The following NUP210 variants were observed in gnomAD, a reference collection of about 807,000 sequenced individuals.
NUP210 encodes nucleoporin 210, also known as nuclear pore membrane glycoprotein 210.
Under a neutral mutation model 196.0 loss-of-function variants are expected in NUP210, and 151 were observed. That is an observed-to-expected ratio of 0.77 (90% CI 0.67 to 0.88). NUP210 has a LOEUF of 0.88. Among genes scored for constraint, NUP210 ranks in the 40% least tolerant of loss-of-function variants. NUP210 has a pLI of 0.00. For missense variants in NUP210, 2,314 were observed against 2,493.7 expected (o/e 0.93, Z 1.53); for synonymous variants, 1,070 against 1,052.7 (o/e 1.02, Z -0.32).
chr3:13,327,473 G>T, intron 31 of NUP210, 36 bp from the exon 32 acceptor site: 1 of 1,483,358 alleles, frequency 6.7e-7, no homozygotes. Flanking sequence ...TCTCAGTCTC[G>T]GGAAAGAAGC....
intron 4 of NUP210, among the ~76,000 whole-genome samples, chr3:13,390,444 C>G (rs140464150): frequency 6.6e-6 from 1 of 152,248 alleles, no homozygotes; most frequent in East Asian, 1.9e-4. Flanking sequence ...GCACCAGCAC[C>G]GGCAGAGGAC....
intron 30 of NUP210, among the ~76,000 whole-genome samples, chr3:13,329,594 A>G (rs1344366351): frequency 1.3e-5 from 2 of 148,800 alleles, no homozygotes; most frequent in African/African-American, 5.2e-5. Flanking sequence ...TCACTCACCA[A>G]AAACTAGAGC....
At position 13,373,756 on chromosome 3, in the gene NUP210, G is replaced by A; in HGVS notation, c.1549C>T (p.His517Tyr). The change falls in exon 12 of 40, where the codon CAT becomes TAT. Residue 517 changes from histidine to tyrosine, a missense_variant. By Grantham distance (83) the His-to-Tyr change is moderately conservative (BLOSUM62 2). Coordinates refer to ENST00000254508, the MANE Select transcript of NUP210 (RefSeq NM_024923.4). Reference sequence around the variant, plus strand: ...AAATGGAGTGGGTTCTGCACATCATGTGCCTGGATCACACTGAACCCGATG... The same window carrying A: ...AAATGGAGTGGGTTCTGCACATCATATGCCTGGATCACACTGAACCCGATG... ...SDIGFSVIQA[H>Y]DVQNPLHFGE... 2 of 1,614,160 alleles carry A rather than the reference G, an allele frequency of 1.2e-6. No individual in the cohort carries two copies. Among genetic ancestry groups the A allele is most frequent in the Non-Finnish European group, 1.7e-6 (2 of 1,180,012 alleles).
At chr3:13,331,079 G>A (rs2124843772) in intron 29 of NUP210, among the ~76,000 whole-genome samples, 1 of 152,256 alleles carries the variant, frequency 6.6e-6, no homozygotes, top group African/African-American at 2.4e-5. Flanking sequence ...AACATGTCCT[G>A]CCACCAGCTG....
chr3:13,362,897 G>A (rs1559329249), intron 14 of NUP210, among the ~76,000 whole-genome samples: 1 of 152,148 alleles, frequency 6.6e-6, no homozygotes, highest in African/African-American at 2.4e-5. Flanking sequence ...GAGCCTGTCT[G>A]AAGCAGGGTC....
chr3:13,358,654 C>T (rs1698269822), intron 15 of NUP210, among the ~76,000 whole-genome samples: 2 of 152,206 alleles, frequency 1.3e-5, no homozygotes, highest in African/African-American at 2.4e-5. Context: ...AAGAGGTAGA[C>T]CCGGTGAGGC....
At chr3:13,388,265 C>A in intron 5 of NUP210, 38 bp downstream of exon 5, 1 of 1,545,744 alleles carries the variant, frequency 6.5e-7, no homozygotes, top group East Asian at 2.3e-5. Flanking sequence ...TGATTCCACC[C>A]CAGGAAGCCC....
chr3:13,420,163 AG>A lies in NUP210; in HGVS notation c.63del (p.Ser22ProfsTer65). ...LTLSVLLAAG[P>X]SAAAAKLNIP... Reference sequence around the variant, plus strand: ...ATGTTGAGCTTGGCCGCAGCGGCGGAGGGGCCCGCCGCCAACAGCACCGACA... The same window carrying A: ...ATGTTGAGCTTGGCCGCAGCGGCGGAGGGCCCGCCGCCAACAGCACCGACA... On this transcript the variant is annotated frameshift_variant, in exon 1 of 40. Transcript: ENST00000254508. LOFTEE classifies it high-confidence loss of function. This position sits in a 1 kb window ranked among gnomAD's most constrained non-coding sequence, Gnocchi z 4.8. 1.6e-6 allele frequency: 2 copies of A among 1,285,346 alleles called. No homozygotes were observed. Among genetic ancestry groups the A allele is most frequent in the Non-Finnish European group, 2.0e-6 (2 of 998,978 alleles). The allele number at this position is 1,285,346 out of a possible 1,614,324, so 79.6% of individuals were successfully genotyped here.
intron 6 of NUP210, among the ~76,000 whole-genome samples, chr3:13,382,918 G>A (rs574257958): frequency 1.7e-4 from 26 of 152,272 alleles, no homozygotes; most frequent in African/African-American, 5.1e-4. Context: ...GCTGAGGTAG[G>A]AGGGATAACT....
At chr3:13,400,979 C>G (rs1358244984) in intron 1 of NUP210, among the ~76,000 whole-genome samples, 4 of 152,132 alleles carry the variant, frequency 2.6e-5, no homozygotes, top group African/African-American at 9.6e-5. Context: ...GGTGCGTGGC[C>G]AGGCGCAGTG....
chr3:13,367,264 C>T (rs949937281), intron 13 of NUP210, among the ~76,000 whole-genome samples: 1 of 151,806 alleles, frequency 6.6e-6, no homozygotes, highest in Non-Finnish European at 1.5e-5. Flanking sequence ...TGGAGAAATC[C>T]CGTCTCTATT....
chr3:13,363,589 G>A (rs867645624), intron 14 of NUP210, among the ~76,000 whole-genome samples: 8 of 152,188 alleles, frequency 5.3e-5, no homozygotes, highest in East Asian at 1.9e-4. Flanking sequence ...GCTCCTCAGC[G>A]GATGTCAAAG....
intron 11 of NUP210, among the ~76,000 whole-genome samples, chr3:13,374,826 G>C (rs999104754): frequency 6.6e-6 from 1 of 152,222 alleles, no homozygotes; most frequent in African/African-American, 2.4e-5. Flanking sequence ...CACCTGAGCA[G>C]AGAGCCGGTG....
chr3:13,413,900 C>T (rs967183142), intron 1 of NUP210, among the ~76,000 whole-genome samples: 4 of 152,192 alleles, frequency 2.6e-5, no homozygotes, highest in African/African-American at 9.7e-5. Context: ...AAACCACATA[C>T]AGACACCAGA....
intron 12 of NUP210, among the ~76,000 whole-genome samples, chr3:13,373,058 C>T (rs1698784928): frequency 6.6e-6 from 1 of 152,160 alleles, no homozygotes; most frequent in Non-Finnish European, 1.5e-5. Flanking sequence ...CCTATCCATC[C>T]CTGTCCCCAA....
chr3:13,354,768 C>G (rs921595792), intron 16 of NUP210: 1 of 152,322 alleles, frequency 6.6e-6, no homozygotes, highest in Non-Finnish European at 1.5e-5. Context: ...GTCATCCCCA[C>G]GTGAAGGAAG....
In NUP210 at chr3:13,420,102, C is replaced by A; in HGVS notation, c.125G>T (p.Arg42Leu). ...CGAGGCCTCCAGCGTGAAGTTAACG[C>A]GCGTGGCCCGCGTGAAGGGCAGCAG... ...KVLLPFTRAT[R>L]VNFTLEASEG... Residue 42 changes from arginine to leucine, a missense_variant, in exon 1 of 40, where the codon CGC becomes CTC. Transcript: ENST00000254508. This position sits in a 1 kb window ranked among gnomAD's most constrained non-coding sequence, Gnocchi z 4.8. The A allele has an allele frequency of 7.2e-7, 1 of 1,379,488 alleles. No individual in the cohort carries two copies. Among genetic ancestry groups the A allele is most frequent in the South Asian group, 1.4e-5 (1 of 69,366 alleles). The allele number at this position is 1,379,488 out of a possible 1,614,324, so 85.5% of individuals were successfully genotyped here.
intron 14 of NUP210, among the ~76,000 whole-genome samples, chr3:13,365,726 G>A (rs904774482): frequency 3.9e-5 from 6 of 152,212 alleles, no homozygotes; most frequent in Non-Finnish European, 7.3e-5. Flanking sequence ...GCGCTGTCTC[G>A]CGTAACCACA....
intron 20 of NUP210, chr3:13,346,955 T>G: frequency 1.0e-4 from 99 of 952,722 alleles, no homozygotes; most frequent in Middle Eastern, 5.4e-4. Flanking sequence ...GCCAGCCCTG[T>G]GACCTTCCCA....
Sources: allele counts gnomAD v4.1 joint callset (sites outside exome capture counted in the v4.1 genomes callset), GRCh38; gene constraint gnomAD v4.1.1; non-coding constraint Gnocchi (gnomAD v3.1); transcripts MANE v1.5; gene names NCBI Gene and HGNC (gene_info 2026-07-23, HGNC 2026-07-21).